The following TMEM184A variants were observed in gnomAD, a reference collection of about 807,000 sequenced individuals.
The protein encoded by TMEM184A is transmembrane protein 184A.
In TMEM184A, 40 loss-of-function variants were observed where a neutral mutation model predicts 39.5. That is an observed-to-expected ratio of 1.01 (90% CI 0.79 to 1.32). The LOEUF is 1.32. Among genes scored for constraint, TMEM184A ranks in the 40% most tolerant of loss-of-function variants. The probability of loss-of-function intolerance (pLI) is 0.00; values close to 1 mark genes in which losing one functional copy is unlikely to be tolerated. For synonymous variants in TMEM184A, 280 were observed against 252.3 expected (o/e 1.11, Z -1.04); for missense variants, 603 against 568.8 (o/e 1.06, Z -0.61).
rs780234579 is a variant in TMEM184A at position 1,550,428 on chromosome 7, G to A, written c.386-33C>T. On this transcript the variant is annotated intron_variant, in intron 3 of 8. Coordinates refer to ENST00000297477, the MANE Select transcript of TMEM184A (RefSeq NM_001097620.2). ...GAGCACAGAGGGGGACCGGCTGTGAGCCCTGAGCTGCACCGGGACCCCATG... is the reference window on the plus strand; with the variant it reads ...GAGCACAGAGGGGGACCGGCTGTGAACCCTGAGCTGCACCGGGACCCCATG... The A allele has an allele frequency of 2.6e-6, 4 of 1,555,278 alleles. No individual in the cohort carries two copies. In the East Asian group the frequency reaches 9.1e-5, roughly 35 times the overall value.
chr7:1,546,750 G>T lies in TMEM184A; in HGVS notation c.*202C>A, dbSNP rs1013959905. 1.9e-6 allele frequency: 1 copy of T among 527,078 alleles called. No individual in the cohort carries two copies. Among genetic ancestry groups the T allele is most frequent in the Non-Finnish European group, 3.3e-6 (1 of 300,414 alleles). The allele number at this position is 527,078 out of a possible 1,614,324, so 32.7% of individuals were successfully genotyped here. On this transcript the variant is annotated 3_prime_UTR_variant, in exon 9 of 9. Coordinates refer to ENST00000297477, the MANE Select transcript of TMEM184A (RefSeq NM_001097620.2). ...CAGGTGCCCTCTCCTGCGGTGGCGG[G>T]CCCACCTGGGTGCCTGCCAGGGCCA... is the stretch of plus-strand genomic sequence containing the variant.
rs776676574 is a variant in TMEM184A at position 1,548,556 on chromosome 7, G to T, written c.777C>A (p.Leu259=). 7 of 1,613,750 alleles carry T rather than the reference G, an allele frequency of 4.3e-6. No homozygotes were observed. Among genetic ancestry groups the T allele is most frequent in the Admixed American group, 1.7e-5 (1 of 60,008 alleles). Residue 259 remains leucine, a synonymous_variant, in exon 7 of 9, where the codon CTC becomes CTA. Coordinates refer to ENST00000297477, the MANE Select transcript of TMEM184A (RefSeq NM_001097620.2). ...LRPFQPVLKF[L]TIKAVIFLSF... ...ACAGGAAGATGACGGCTTTGATGGT[G>T]AGGAACTTGAGGACGGGCTGGAAGG...
Position 1,549,887 on chromosome 7 carries a change from T to TGG in TMEM184A, c.609_610dup (p.Gln204ProfsTer21). The TGG allele has an allele frequency of 6.2e-7, 1 of 1,611,512 alleles. No homozygotes were observed. The highest frequency in any genetic ancestry group is 8.5e-7 in the Non-Finnish European group (1 of 1,178,880). On this transcript the variant is annotated frameshift_variant, in exon 6 of 9. Coordinates refer to ENST00000297477, the MANE Select transcript of TMEM184A (RefSeq NM_001097620.2). LOFTEE classifies it high-confidence loss of function. ...CCCGTCGTGGTATTTGCCAAATGCCTGGAGGATGATGGTGGTGACGGCCAT... is the reference window on the plus strand; with the variant it reads ...CCCGTCGTGGTATTTGCCAAATGCCTGGGGAGGATGATGGTGGTGACGGCCAT...
intron 8 of TMEM184A, 136 bp downstream of exon 8, chr7:1,547,606 G>A (rs554061989): frequency 2.8e-5 from 26 of 924,028 alleles, no homozygotes; most frequent in South Asian, 7.9e-5. Flanking sequence ...GTGCCTGTCC[G>A]GAGCCGGATG....
rs1350044721 is a variant in TMEM184A, at chr7:1,543,393, C to G, written c.*3559G>C. ...AGTGTTCCCCTTCCCTGGGAGACAT[C>G]TCGCCCAGCTTTGCTGGACTCTCAG... On this transcript the variant is annotated 3_prime_UTR_variant, in exon 9 of 9. Transcript: ENST00000297477. 6.6e-6 allele frequency: 1 copy of G among 152,332 alleles called. No individual in the cohort carries two copies. The highest frequency in any genetic ancestry group is 2.1e-4 in the South Asian group (1 of 4,832). The allele number at this position is 152,332 out of a possible 1,614,324, so 9.4% of individuals were successfully genotyped here.
rs185810935 is a variant in TMEM184A, at chr7:1,552,678, G to T, written c.220-1696C>A. 1.7e-3 allele frequency among the ~76,000 whole-genome samples: 266 copies of T among 152,222 alleles called. 1 individual carries two copies. Among genetic ancestry groups the T allele is most frequent in the Middle Eastern group, 3.4e-3 (1 of 294 alleles). On this transcript the variant is annotated intron_variant, in intron 2 of 8. Transcript: ENST00000297477. ...GAGAGGGGACACGTCCCGGTCCTGGGCTGGGCAGACTCTCAGAAGGCACAT... is the reference window on the plus strand; with the variant it reads ...GAGAGGGGACACGTCCCGGTCCTGGTCTGGGCAGACTCTCAGAAGGCACAT...
chr7:1,543,670 C>A lies in TMEM184A; in HGVS notation c.*3282G>T. On this transcript the variant is annotated 3_prime_UTR_variant, in exon 9 of 9. Coordinates refer to ENST00000297477, the MANE Select transcript of TMEM184A (RefSeq NM_001097620.2). ...TTGAGACAGTATCTTGCTTTGTCACCCAAGCTGGAGTGCAGGGGCGTGATC... is the reference window on the plus strand; with the variant it reads ...TTGAGACAGTATCTTGCTTTGTCACACAAGCTGGAGTGCAGGGGCGTGATC... The A allele has an allele frequency of 6.6e-6, 1 of 152,636 alleles. No individual in the cohort carries two copies. The highest frequency in any genetic ancestry group is 2.0e-4 in the South Asian group (1 of 5,010). 9.5% of individuals were successfully genotyped at this position (152,636 alleles called of 1,614,324 possible).
At chr7:1,548,083 G>C in intron 7 of TMEM184A, 144 bp from the exon 8 acceptor site, 3 of 966,830 alleles carry the variant, frequency 3.1e-6, no homozygotes, top group South Asian at 1.7e-5. Flanking sequence ...CTGAGGTTCA[G>C]GGGGGCAGGG....
At chr7:1,547,704 G>A in intron 8 of TMEM184A, 38 bp downstream of exon 8, 1 of 1,577,308 alleles carries the variant, frequency 6.3e-7, no homozygotes, top group Non-Finnish European at 8.6e-7. Flanking sequence ...GGGCAGGGCT[G>A]TGCGCTCCGG....
At position 1,546,168 on chromosome 7, in the gene TMEM184A, C is replaced by G. The variant is rs1282288949; in HGVS notation, c.*784G>C. 6.5e-6 allele frequency: 1 copy of G among 152,812 alleles called. No individual in the cohort carries two copies. The highest frequency in any genetic ancestry group is 2.4e-5 in the African/African-American group (1 of 41,470). 9.5% of individuals were successfully genotyped at this position (152,812 alleles called of 1,614,324 possible). A position where few individuals can be genotyped will look rare whatever the true frequency, so the allele number is the denominator to read the frequency against. On this transcript the variant is annotated 3_prime_UTR_variant, in exon 9 of 9. Coordinates refer to ENST00000297477, the MANE Select transcript of TMEM184A (RefSeq NM_001097620.2). The stretch of plus-strand genomic sequence containing the variant: ...GACTCTGAGCAGCAGCCTCCTGTGA[C>G]CCCCACCGCGTCCTGCTCCTCAGGC...
At chr7:1,554,192 A>G (rs781125416) in intron 2 of TMEM184A, among the ~76,000 whole-genome samples, 16 of 152,088 alleles carry the variant, frequency 1.1e-4, no homozygotes, top group Non-Finnish European at 1.8e-4. Flanking sequence ...TCAGCCTCCC[A>G]AGTAGCTGGG....
chr7:1,553,561 G>A (rs1242611702), intron 2 of TMEM184A, among the ~76,000 whole-genome samples: 1 of 152,208 alleles, frequency 6.6e-6, no homozygotes, highest in African/African-American at 2.4e-5. Flanking sequence ...AGGCCTTCTG[G>A]AGGAGGTGCA....
Position 1,543,818 on chromosome 7 carries a change from A to C in TMEM184A, c.*3134T>G, listed in dbSNP as rs1784260953. On this transcript the variant is annotated 3_prime_UTR_variant, in exon 9 of 9. Coordinates refer to ENST00000297477, the MANE Select transcript of TMEM184A (RefSeq NM_001097620.2). ...TAATTTTTGTATTTTTTTTTTGTAG[A>C]GATGGGGTTTCACCATGTTGCCCAG... The C allele has an allele frequency of 6.6e-6, 1 of 151,754 alleles. No homozygotes were observed. Among genetic ancestry groups the C allele is most frequent in the Admixed American group, 6.6e-5 (1 of 15,246 alleles). 9.4% of individuals were successfully genotyped at this position (151,754 alleles called of 1,614,324 possible). A position where few individuals can be genotyped will look rare whatever the true frequency, so the allele number is the denominator to read the frequency against.
intron 2 of TMEM184A, among the ~76,000 whole-genome samples, chr7:1,551,657 C>T (rs1784603083): frequency 6.6e-6 from 1 of 152,112 alleles, no homozygotes; most frequent in African/African-American, 2.4e-5. Context: ...CTTTTTATGG[C>T]CGGGTGCAGT....
rs1784345423 is a variant in TMEM184A at position 1,546,411 on chromosome 7, C to T, written c.*541G>A. 6.6e-6 allele frequency: 1 copy of T among 152,306 alleles called. No individual in the cohort carries two copies. The highest frequency in any genetic ancestry group is 1.5e-5 in the Non-Finnish European group (1 of 68,112). 9.4% of individuals were successfully genotyped at this position (152,306 alleles called of 1,614,324 possible). ...ACACGTGGGCCCTTCTCCACGTGCC[C>T]ACGAGGGCCGTAGCAGGCTCCAAGG... On this transcript the variant is annotated 3_prime_UTR_variant, in exon 9 of 9. Transcript: ENST00000297477.
intron 2 of TMEM184A, among the ~76,000 whole-genome samples, chr7:1,551,406 C>T (rs1299270390): frequency 6.8e-6 from 1 of 147,962 alleles, no homozygotes; most frequent in East Asian, 2.0e-4. Flanking sequence ...TGCACAAGCC[C>T]AGGTGAGCCG....
Position 1,549,152 on chromosome 7 carries a change from G to A in TMEM184A, c.645-464C>T, listed in dbSNP as rs111700278. ...GGTGCGCTGTGTGTGTGCACATATT[G>A]CGTGCATGTGAGTGTACATACATGT... On this transcript the variant is annotated intron_variant, in intron 6 of 8. Transcript: ENST00000297477. 48 of 461,022 alleles carry A rather than the reference G, an allele frequency of 1.0e-4. 3 individuals carry two copies. Among genetic ancestry groups the A allele is most frequent in the African/African-American group, 4.0e-4 (20 of 50,400 alleles). 28.6% of individuals were successfully genotyped at this position (461,022 alleles called of 1,614,324 possible).
At chr7:1,549,278 G>A (rs973730487) in intron 6 of TMEM184A, 7 of 326,216 alleles carry the variant, frequency 2.1e-5, no homozygotes, top group Admixed American at 6.5e-5. Context: ...ATGTGTCCCC[G>A]TGTGTGAGCA....
intron 2 of TMEM184A, among the ~76,000 whole-genome samples, chr7:1,552,957 A>T (rs1784660191): frequency 6.6e-6 from 1 of 151,964 alleles, no homozygotes; most frequent in South Asian, 2.1e-4. Flanking sequence ...CGGGAGGCTG[A>T]GGTGGGAGGA....
Sources: allele counts gnomAD v4.1 joint callset (sites outside exome capture counted in the v4.1 genomes callset), GRCh38; gene constraint gnomAD v4.1.1; transcripts MANE v1.5; gene names NCBI Gene and HGNC (gene_info 2026-07-23, HGNC 2026-07-21).